Variants in RIOX1 observed in about 807,000 individuals in gnomAD.
RIOX1 encodes 60S ribosomal protein L8 histidine hydroxylase.
RIOX1 carries 33 observed loss-of-function variants against 44.6 expected under a neutral mutation model. The ratio of observed to expected loss-of-function variants is 0.74; its 90% CI spans 0.56 to 0.99. The LOEUF (loss-of-function observed/expected upper bound fraction) is 0.99, where lower values mean the gene tolerates loss of function less well. Ranked by LOEUF, RIOX1 falls within the 50% of genes least tolerant of loss-of-function variation. The pLI, the probability that RIOX1 is intolerant of heterozygous loss-of-function variation, is 0.00. For missense variants in RIOX1, 821 were observed against 871.7 expected (o/e 0.94, Z 0.73); for synonymous variants, 387 against 395.8 (o/e 0.98, Z 0.26).
At position 73,492,082 on chromosome 14, in the gene RIOX1, ACT is replaced by A. The variant is rs747344738; in HGVS notation, c.1068_1069del (p.Trp357AlafsTer27). On this transcript the variant is annotated frameshift_variant, in exon 1 of 1. Transcript: ENST00000304061. LOFTEE classifies it high-confidence loss of function. The surrounding 1 kb of genome is among the most constrained non-coding windows in gnomAD (Gnocchi z 4.9). ...TCGTGCTGCAGCTGGAAGGTAGGAA[ACT>A]CTGGCGTGTATACCGACCCCGAGTC... is the stretch of plus-strand genomic sequence containing the variant. ...AFVLQLEGRK[L>X]WRVYRPRVPT... 5 of 1,613,422 alleles carry A rather than the reference ACT, an allele frequency of 3.1e-6. No individual in the cohort carries two copies. Among genetic ancestry groups the A allele is most frequent in the Admixed American group, 1.7e-5 (1 of 59,964 alleles).
In RIOX1 at chr14:73,490,994, G is replaced by A. The variant is rs1885675826; in HGVS notation, c.-24G>A. The A allele has an allele frequency of 1.5e-6, 2 of 1,351,828 alleles. No individual in the cohort carries two copies. Among genetic ancestry groups the A allele is most frequent in the Non-Finnish European group, 1.9e-6 (2 of 1,044,776 alleles). The allele number at this position is 1,351,828 out of a possible 1,614,324, so 83.7% of individuals were successfully genotyped here. A position where few individuals can be genotyped will look rare whatever the true frequency, so the allele number is the denominator to read the frequency against. On this transcript the variant is annotated 5_prime_UTR_variant, in exon 1 of 1. Coordinates refer to ENST00000304061, the MANE Select transcript of RIOX1 (RefSeq NM_024644.5). ...TAGCTTCGCCCCCGGCCGGCCGGGCGGGGAAGACTGGTGTGGTCTGGCCAT... is the reference window on the plus strand; with the variant it reads ...TAGCTTCGCCCCCGGCCGGCCGGGCAGGGAAGACTGGTGTGGTCTGGCCAT...
Position 73,492,338 on chromosome 14 carries a change from C to T in RIOX1, c.1321C>T (p.Gln441Ter), listed in dbSNP as rs1180446124. 6.2e-7 allele frequency: 1 copy of T among 1,613,970 alleles called. No individual in the cohort carries two copies. The highest frequency in any genetic ancestry group is 1.7e-5 in the Admixed American group (1 of 60,018). Residue 441 changes from glutamine (Q) to a stop codon, truncating the protein, a stop_gained, in exon 1 of 1, where the codon CAG (glutamine) becomes TAG (stop). Coordinates refer to ENST00000304061, the MANE Select transcript of RIOX1 (RefSeq NM_024644.5). LOFTEE classifies it high-confidence loss of function. This position sits in a 1 kb window ranked among gnomAD's most constrained non-coding sequence, Gnocchi z 4.9. Reference sequence around the variant, plus strand: ...AGAGGCCATACTGCCTCTGGCAGTGCAGGCTGCAATGGAAGAAAATGTGGA... The same window carrying T: ...AGAGGCCATACTGCCTCTGGCAGTGTAGGCTGCAATGGAAGAAAATGTGGA... The part of the protein sequence containing the change: ...FLEAILPLAV[Q>*]AAMEENVEFR...
chr14:73,492,054 C>A lies in RIOX1; in HGVS notation c.1037C>A (p.Ala346Asp). Residue 346 changes from alanine to aspartate, a missense_variant, in exon 1 of 1, where the codon GCC becomes GAC. By Grantham distance (126) the Ala-to-Asp change is moderately radical (BLOSUM62 -2). Around this residue, in one of 2 missense-constraint regions of RIOX1, gnomAD observed 554 missense variants for 531.2 expected, o/e 1.04. Transcript: ENST00000304061. The surrounding 1 kb of genome is among the most constrained non-coding windows in gnomAD (Gnocchi z 4.9). ...GCCCCCCACTACGACGACATCGAGG[C>A]CTTCGTGCTGCAGCTGGAAGGTAGG... ...GFAPHYDDIE[A>D]FVLQLEGRKL... 6.2e-7 allele frequency: 1 copy of A among 1,614,014 alleles called. No homozygotes were observed. The highest frequency in any genetic ancestry group is 8.5e-7 in the Non-Finnish European group (1 of 1,179,898).
rs866728436 is a variant in RIOX1, at chr14:73,491,840, C to G, written c.823C>G (p.Leu275Val). Residue 275 changes from leucine to valine, a missense_variant, in exon 1 of 1, where the codon CTG becomes GTG. By Grantham distance (32) the Leu-to-Val change is conservative. Coordinates refer to ENST00000304061, the MANE Select transcript of RIOX1 (RefSeq NM_024644.5). ...ARYINGRRETLNPPGRALPAA... is the reference protein window; with the variant it reads ...ARYINGRRETVNPPGRALPAA... ...CTACATCAACGGACGACGCGAGACCCTGAACCCACCCGGCCGCGCGCTGCC... is the reference window on the plus strand; with the variant it reads ...CTACATCAACGGACGACGCGAGACCGTGAACCCACCCGGCCGCGCGCTGCC... 3.1e-6 allele frequency: 5 copies of G among 1,609,212 alleles called. 1 individual carries two copies. The Middle Eastern group carries it at 8.3e-4, about 266-fold the overall frequency.
Position 73,490,987 on chromosome 14 carries a change from G to C in RIOX1, c.-31G>C, listed in dbSNP as rs1189774991. ...ACCGCTTTAGCTTCGCCCCCGGCCG[G>C]CCGGGCGGGGAAGACTGGTGTGGTC... On this transcript the variant is annotated 5_prime_UTR_variant, in exon 1 of 1. Coordinates refer to ENST00000304061, the MANE Select transcript of RIOX1 (RefSeq NM_024644.5). 2 of 1,333,418 alleles carry C rather than the reference G, an allele frequency of 1.5e-6. No individual in the cohort carries two copies. Among genetic ancestry groups the C allele is most frequent in the Non-Finnish European group, 1.9e-6 (2 of 1,035,260 alleles). The allele number at this position is 1,333,418 out of a possible 1,614,324, so 82.6% of individuals were successfully genotyped here.
Position 73,491,640 on chromosome 14 carries a change from G to A in RIOX1, c.623G>A (p.Trp208Ter), listed in dbSNP as rs1473089403. 2 of 1,549,916 alleles carry A rather than the reference G, an allele frequency of 1.3e-6. No homozygotes were observed. Among genetic ancestry groups the A allele is most frequent in the Non-Finnish European group, 8.7e-7 (1 of 1,147,480 alleles). ...SRRRAARLFE[W>*]LIAPMPPDHF... ...CGGCGAGCGGCCCGCCTCTTTGAGT[G>A]GCTCATCGCGCCCATGCCGCCAGAT... Residue 208 changes from tryptophan to a stop codon, truncating the protein, a stop_gained, in exon 1 of 1, where the codon TGG becomes TAG. Coordinates refer to ENST00000304061, the MANE Select transcript of RIOX1 (RefSeq NM_024644.5). LOFTEE classifies it high-confidence loss of function.
Position 73,490,939 on chromosome 14 carries a change from C to T in RIOX1, c.-79C>T. On this transcript the variant is annotated 5_prime_UTR_variant, in exon 1 of 1. Coordinates refer to ENST00000304061, the MANE Select transcript of RIOX1 (RefSeq NM_024644.5). ...GAGGCCGCGCCCCCTTCCCAGAGTG[C>T]ACCGCAGCCGCTGCATTCAGGAACC... 2.3e-6 allele frequency: 3 copies of T among 1,276,868 alleles called. No individual in the cohort carries two copies. Among genetic ancestry groups the T allele is most frequent in the Non-Finnish European group, 9.9e-7 (1 of 1,007,074 alleles). 79.1% of individuals were successfully genotyped at this position (1,276,868 alleles called of 1,614,324 possible).
At position 73,491,160 on chromosome 14, in the gene RIOX1, C is replaced by T. The variant is rs1885697128; in HGVS notation, c.143C>T (p.Ser48Phe). Residue 48 changes from serine (S) to phenylalanine (F), a missense_variant, in exon 1 of 1, where the codon TCC becomes TTC. This residue lies in a region of RIOX1 where 554 missense variants were observed against 531.2 expected (regional missense o/e 1.04). Transcript: ENST00000304061. ...CGAAAGCAGCTGCGAAGTGTTGTAT[C>T]CCGCATGGCAGCGCTGAGGACGCAG... is the stretch of plus-strand genomic sequence containing the variant. ...KIRKQLRSVV[S>F]RMAALRTQTL... 1 of 1,605,530 alleles carries T rather than the reference C, an allele frequency of 6.2e-7. No individual in the cohort carries two copies. Among genetic ancestry groups the T allele is most frequent in the Middle Eastern group, 1.7e-4 (1 of 6,050 alleles).
Position 73,491,625 on chromosome 14 carries a change from C to T in RIOX1, c.608C>T (p.Ala203Val), listed in dbSNP as rs1470047624. The change falls in exon 1 of 1, where the codon GCC becomes GTC. Residue 203 changes from alanine to valine, a missense_variant. Physicochemically the swap from Ala to Val is moderately conservative, Grantham distance 64. This residue lies in a region of RIOX1 where 554 missense variants were observed against 531.2 expected (regional missense o/e 1.04). Transcript: ENST00000304061. ...NRIPSSRRRAARLFEWLIAPM... is the reference protein window; with the variant it reads ...NRIPSSRRRAVRLFEWLIAPM... ...ATCCCCAGCAGCCGGCGGCGAGCGG[C>T]CCGCCTCTTTGAGTGGCTCATCGCG... is the stretch of plus-strand genomic sequence containing the variant. 4 of 1,548,770 alleles carry T rather than the reference C, an allele frequency of 2.6e-6. No individual in the cohort carries two copies. The South Asian group carries it at 4.8e-5, about 18-fold the overall frequency.
At position 73,492,208 on chromosome 14, in the gene RIOX1, G is replaced by C; in HGVS notation, c.1191G>C (p.Leu397=). 6.2e-7 allele frequency: 1 copy of C among 1,614,018 alleles called. No individual in the cohort carries two copies. The highest frequency in any genetic ancestry group is 1.1e-5 in the South Asian group (1 of 91,088). ...CCGTGCTGGAACCTGGAGATTTGCT[G>C]TATTTTCCTCGGGGCTTCATTCACC... ...LQTVLEPGDL[L]YFPRGFIHQA... Residue 397 remains leucine (L), a synonymous_variant, in exon 1 of 1, where the codon CTG becomes CTC. Transcript: ENST00000304061. The surrounding 1 kb of genome is among the most constrained non-coding windows in gnomAD (Gnocchi z 4.9).
rs944688122 is a variant in RIOX1 at position 73,492,498 on chromosome 14, T to C, written c.1481T>C (p.Val494Ala). 1 of 1,613,712 alleles carries C rather than the reference T, an allele frequency of 6.2e-7. No individual in the cohort carries two copies. The change falls in exon 1 of 1, where the codon GTT becomes GCT. Residue 494 changes from valine (V) to alanine (A), a missense_variant. Transcript: ENST00000304061. This position sits in a 1 kb window ranked among gnomAD's most constrained non-coding sequence, Gnocchi z 4.9. The part of the protein sequence containing the change: ...LVARLGHFAP[V>A]DAVADQRAKD... Reference sequence around the variant, plus strand: ...GCCCGCCTGGGACACTTTGCTCCTGTTGATGCTGTGGCCGACCAGCGAGCC... The same window carrying C: ...GCCCGCCTGGGACACTTTGCTCCTGCTGATGCTGTGGCCGACCAGCGAGCC...
In RIOX1 at chr14:73,492,580, A is replaced by G. The variant is rs774998626; in HGVS notation, c.1563A>G (p.Leu521=). The G allele has an allele frequency of 5.0e-6, 8 of 1,613,920 alleles. No homozygotes were observed. The highest frequency in any genetic ancestry group is 6.8e-6 in the Non-Finnish European group (8 of 1,179,852). The change falls in exon 1 of 1, where the codon CTA becomes CTG. Residue 521 remains leucine, a synonymous_variant. Transcript: ENST00000304061. The surrounding 1 kb of genome is among the most constrained non-coding windows in gnomAD (Gnocchi z 4.9). ...TTTTGACTGATAGGGAGAGGGCACT[A>G]AGTGTTTACGGGCTTCCAATTCGCT... ...PPVLTDRERA[L]SVYGLPIRWE...
In RIOX1 at chr14:73,491,826, G is replaced by A. The variant is rs760182905; in HGVS notation, c.809G>A (p.Gly270Glu). ...TTGGACGCCGCTCGCTACATCAACG[G>A]ACGACGCGAGACCCTGAACCCACCC... ...QHLDAARYIN[G>E]RRETLNPPGR... Residue 270 changes from glycine (G) to glutamate (E), a missense_variant, in exon 1 of 1, where the codon GGA (glycine) becomes GAA (glutamate). Around this residue, in one of 2 missense-constraint regions of RIOX1, gnomAD observed 554 missense variants for 531.2 expected, o/e 1.04. Coordinates refer to ENST00000304061, the MANE Select transcript of RIOX1 (RefSeq NM_024644.5). 1.9e-6 allele frequency: 3 copies of A among 1,606,476 alleles called. No homozygotes were observed. Among genetic ancestry groups the A allele is most frequent in the South Asian group, 2.2e-5 (2 of 90,264 alleles).
chr14:73,493,171 T>G lies in RIOX1; in HGVS notation c.*228T>G. ...GAAGTTGGAGGTGGAAAAAAAACCC[T>G]TGATCCGTGATCATTTCAGAGCACC... On this transcript the variant is annotated 3_prime_UTR_variant, in exon 1 of 1. Transcript: ENST00000304061. The G allele has an allele frequency of 6.6e-7, 1 of 1,515,316 alleles. No individual in the cohort carries two copies. The highest frequency in any genetic ancestry group is 9.2e-7 in the Non-Finnish European group (1 of 1,091,152). 93.9% of individuals were successfully genotyped at this position (1,515,316 alleles called of 1,614,324 possible). A position where few individuals can be genotyped will look rare whatever the true frequency, so the allele number is the denominator to read the frequency against.
rs1885899120 is a variant in RIOX1, at chr14:73,493,175, T to C, written c.*232T>C. Reference sequence around the variant, plus strand: ...TTGGAGGTGGAAAAAAAACCCTTGATCCGTGATCATTTCAGAGCACCAACT... The same window carrying C: ...TTGGAGGTGGAAAAAAAACCCTTGACCCGTGATCATTTCAGAGCACCAACT... On this transcript the variant is annotated 3_prime_UTR_variant, in exon 1 of 1. Coordinates refer to ENST00000304061, the MANE Select transcript of RIOX1 (RefSeq NM_024644.5). 6.7e-7 allele frequency: 1 copy of C among 1,481,994 alleles called. No homozygotes were observed. The highest frequency in any genetic ancestry group is 1.7e-4 in the Middle Eastern group (1 of 5,802). 91.8% of individuals were successfully genotyped at this position (1,481,994 alleles called of 1,614,324 possible).
Position 73,492,087 on chromosome 14 carries a change from G to A in RIOX1, c.1070G>A (p.Trp357Ter). ...CTGCAGCTGGAAGGTAGGAAACTCT[G>A]GCGTGTATACCGACCCCGAGTCCCA... ...FVLQLEGRKLWRVYRPRVPTE... is the reference protein window; with the variant it reads ...FVLQLEGRKL The change falls in exon 1 of 1, where the codon TGG becomes TAG. Residue 357 changes from tryptophan (W) to a stop codon, truncating the protein, a stop_gained. Coordinates refer to ENST00000304061, the MANE Select transcript of RIOX1 (RefSeq NM_024644.5). LOFTEE classifies it high-confidence loss of function. This position sits in a 1 kb window ranked among gnomAD's most constrained non-coding sequence, Gnocchi z 4.9. 6.2e-7 allele frequency: 1 copy of A among 1,613,980 alleles called. No homozygotes were observed. Among genetic ancestry groups the A allele is most frequent in the Non-Finnish European group, 8.5e-7 (1 of 1,179,890 alleles).
chr14:73,491,086 G>C lies in RIOX1; in HGVS notation c.69G>C (p.Gln23His), dbSNP rs1343625255. 2.5e-6 allele frequency: 4 copies of C among 1,599,936 alleles called. No individual in the cohort carries two copies. The highest frequency in any genetic ancestry group is 3.4e-6 in the Non-Finnish European group (4 of 1,173,240). ...RGRPKRRRKP[Q>H]PHSGSVLALP... ...GGCCGAAGCGCCGGCGCAAGCCCCA[G>C]CCACACAGCGGGTCGGTCCTGGCCC... The change falls in exon 1 of 1, where the codon CAG (glutamine) becomes CAC (histidine). Residue 23 changes from glutamine (Q) to histidine (H), a missense_variant. Gln to His is a conservative substitution (Grantham distance 24, BLOSUM62 0). Coordinates refer to ENST00000304061, the MANE Select transcript of RIOX1 (RefSeq NM_024644.5).
In RIOX1 at chr14:73,491,360, C is replaced by T; in HGVS notation, c.343C>T (p.Leu115=). ...LLEASPAARS[L]QTPSARLVPA... is the part of the protein sequence containing the mutation. The stretch of plus-strand genomic sequence containing the variant: ...GGAGGCCTCGCCCGCCGCGCGCTCC[C>T]TGCAGACCCCGTCGGCGCGCCTGGT... Residue 115 remains leucine (L), a synonymous_variant, in exon 1 of 1, where the codon CTG becomes TTG. Transcript: ENST00000304061. 7.2e-7 allele frequency: 1 copy of T among 1,381,574 alleles called. No individual in the cohort carries two copies. Among genetic ancestry groups the T allele is most frequent in the Non-Finnish European group, 9.3e-7 (1 of 1,072,170 alleles). The allele number at this position is 1,381,574 out of a possible 1,614,324, so 85.6% of individuals were successfully genotyped here.
In RIOX1 at chr14:73,493,219, AGTGTACT is replaced by A; in HGVS notation, c.*278_*284del. ...ACCAACTTCATCACCTTCAGGCTTC[AGTGTACT>A]GGGTAACACTGACCATGTCGTTCTG... On this transcript the variant is annotated 3_prime_UTR_variant, in exon 1 of 1. Coordinates refer to ENST00000304061, the MANE Select transcript of RIOX1 (RefSeq NM_024644.5). The A allele has an allele frequency of 4.0e-6, 4 of 1,002,824 alleles. No homozygotes were observed. In the South Asian group the frequency reaches 5.3e-5, roughly 13 times the overall value. The allele number at this position is 1,002,824 out of a possible 1,614,324, so 62.1% of individuals were successfully genotyped here.
Sources: allele counts gnomAD v4.1 joint callset, GRCh38; gene constraint gnomAD v4.1.1; regional missense constraint gnomAD v4.1.1; non-coding constraint Gnocchi (gnomAD v3.1); transcripts MANE v1.5; gene names NCBI Gene and HGNC (gene_info 2026-07-23, HGNC 2026-07-21).